Variants in UTRN observed in about 807,000 individuals in gnomAD.
UTRN encodes dystrophin-related protein 1.
A neutral mutation model predicts 463.9 loss-of-function variants in UTRN; 283 were observed. The observed-to-expected ratio is 0.61, with a 90% CI of 0.55 to 0.67. The LOEUF (loss-of-function observed/expected upper bound fraction) is 0.67. UTRN is among the 30% of genes least tolerant of loss of function. The pLI, the probability that UTRN is intolerant of heterozygous loss-of-function variation, is 0.00. For missense variants in UTRN, 3,922 were observed against 4,084.3 expected (o/e 0.96, Z 1.08); for synonymous variants, 1,442 against 1,431.5 (o/e 1.01, Z -0.17).
At chr6:144,692,953 T>C (rs2128693501) in intron 52 of UTRN, among the ~76,000 whole-genome samples, 2 of 152,198 alleles carry the variant, frequency 1.3e-5, no homozygotes, top group South Asian at 4.1e-4. Flanking sequence ...CATCATGAAA[T>C]TTTTGCCCAT....
At chr6:144,570,565 AC>A (rs535855009) in intron 50 of UTRN, among the ~76,000 whole-genome samples, 196 of 152,302 alleles carry the variant, frequency 1.3e-3, no homozygotes, top group Admixed American at 4.4e-3. Context: ...CTCTTACAAA[AC>A]AACTAAAATT....
intron 2 of UTRN, among the ~76,000 whole-genome samples, chr6:144,335,271 A>C (rs1776631866): frequency 6.6e-6 from 1 of 152,206 alleles, no homozygotes; most frequent in Non-Finnish European, 1.5e-5. Flanking sequence ...GTCCTGGAAT[A>C]AGAGAGCCCA....
Position 144,347,840 on chromosome 6 carries a change from TTTTTTTTTTG to T in UTRN, c.80-55273_80-55264del, listed in dbSNP as rs796757999. ...CCTGAACTGTGGCTTATTCTTTGTT[TTTTTTTTTTG>T]TTTTTTTTTTTGAGACTAAGTCTCG... On this transcript the variant is annotated intron_variant, in intron 2 of 74. Coordinates refer to ENST00000367545, the MANE Select transcript of UTRN (RefSeq NM_007124.3). 4.2e-3 allele frequency among the ~76,000 whole-genome samples: 614 copies of T among 146,578 alleles called. 16 individuals carry two copies. The highest frequency in any genetic ancestry group is 0.015 in the African/African-American group (555 of 36,350).
rs115618198 is a variant in UTRN at position 144,422,310 on chromosome 6, A to C, written c.234+340A>C. Among the ~76,000 whole-genome samples, 689 of 152,338 alleles carry C rather than the reference A, an allele frequency of 4.5e-3. 5 individuals carry two copies. Among genetic ancestry groups the C allele is most frequent in the African/African-American group, 0.016 (655 of 41,570 alleles). On this transcript the variant is annotated intron_variant, in intron 4 of 74. Coordinates refer to ENST00000367545, the MANE Select transcript of UTRN (RefSeq NM_007124.3). ...CTGGAGACAAACACATTTAAGAGTT[A>C]AATATTTTTTAAAACAGTTGTTAAG... is the stretch of plus-strand genomic sequence containing the variant.
intron 41 of UTRN, among the ~76,000 whole-genome samples, chr6:144,525,314 C>G (rs571839752): frequency 1.3e-5 from 2 of 152,170 alleles, no homozygotes; most frequent in South Asian, 4.2e-4. Flanking sequence ...CCATCGGGTC[C>G]TGGGCTTTTT....
chr6:144,668,069 T>A (rs1280118808), intron 51 of UTRN, among the ~76,000 whole-genome samples: 1 of 152,224 alleles, frequency 6.6e-6, no homozygotes, highest in Non-Finnish European at 1.5e-5. Flanking sequence ...GGACCATAAA[T>A]CTTGCAGGAG....
intron 51 of UTRN, among the ~76,000 whole-genome samples, chr6:144,599,701 A>G (rs1460491111): frequency 6.6e-6 from 1 of 152,226 alleles, no homozygotes; most frequent in Non-Finnish European, 1.5e-5. Context: ...AAAGGAAGGA[A>G]GAAGAAAATA....
intron 51 of UTRN, among the ~76,000 whole-genome samples, chr6:144,644,980 G>C (rs2128663637): frequency 6.6e-6 from 1 of 152,294 alleles, no homozygotes; most frequent in East Asian, 1.9e-4. Context: ...CCTGGAACCA[G>C]TGGTCTTTGT....
intron 50 of UTRN, among the ~76,000 whole-genome samples, chr6:144,569,251 T>C (rs1800711751): frequency 6.6e-6 from 1 of 152,088 alleles, no homozygotes; most frequent in Non-Finnish European, 1.5e-5. Context: ...GATTTTAAAC[T>C]TAAACACATA....
chr6:144,781,796 AG>A (rs1775852441), intron 60 of UTRN, 125 bp from the exon 61 acceptor site: 1 of 635,952 alleles, frequency 1.6e-6, no homozygotes, highest in Non-Finnish European at 2.6e-6. Context: ...TTAGCTAAAA[AG>A]GATAGATTCT....
chr6:144,598,059 C>G (rs1195826981), intron 51 of UTRN, among the ~76,000 whole-genome samples: 1 of 152,098 alleles, frequency 6.6e-6, no homozygotes, highest in Non-Finnish European at 1.5e-5. Context: ...TTCTGGCTTC[C>G]AAGGATGAAT....
intron 69 of UTRN, among the ~76,000 whole-genome samples, chr6:144,834,268 TTTATTTAAATATATATATAC>T (rs1164013456): frequency 1.3e-5 from 2 of 152,204 alleles, no homozygotes; most frequent in African/African-American, 4.8e-5. Flanking sequence ...GTATATGACC[TTTATTTAAATATATATATAC>T]TCACATACAC....
chr6:144,656,631 T>G (rs1271582127), intron 51 of UTRN, among the ~76,000 whole-genome samples: 1 of 152,202 alleles, frequency 6.6e-6, no homozygotes, highest in African/African-American at 2.4e-5. Context: ...TGATGAAATG[T>G]GCTCACTTTT....
chr6:144,305,790 C>G (rs1402926688), intron 2 of UTRN, among the ~76,000 whole-genome samples: 1 of 152,192 alleles, frequency 6.6e-6, no homozygotes, highest in African/African-American at 2.4e-5. Flanking sequence ...AGGTGAAAAT[C>G]TGGGCAAGGT....
intron 45 of UTRN, among the ~76,000 whole-genome samples, 183 bp from the exon 46 acceptor site, chr6:144,542,612 A>G (rs1231450116): frequency 2.0e-5 from 3 of 152,174 alleles, no homozygotes; most frequent in African/African-American, 7.2e-5. Flanking sequence ...TTTGATAGCA[A>G]TGTCAGTGGA....
At chr6:144,574,842 A>G (rs1281675711) in intron 50 of UTRN, among the ~76,000 whole-genome samples, 1 of 152,172 alleles carries the variant, frequency 6.6e-6, no homozygotes, top group East Asian at 1.9e-4. Flanking sequence ...TTGGCCTCCC[A>G]AAGTGCTGAG....
At chr6:144,342,221 C>A (rs1485691027) in intron 2 of UTRN, among the ~76,000 whole-genome samples, 1 of 151,928 alleles carries the variant, frequency 6.6e-6, no homozygotes, top group Non-Finnish European at 1.5e-5. Flanking sequence ...AATGGGTATC[C>A]ACATACACTG....
At chr6:144,297,261 A>G (rs930333119) in intron 2 of UTRN, among the ~76,000 whole-genome samples, 1 of 152,018 alleles carries the variant, frequency 6.6e-6, no homozygotes, top group African/African-American at 2.4e-5. Flanking sequence ...AAGAGAGACC[A>G]GTGAAATAAA....
In UTRN at chr6:144,493,298, A is replaced by C. The variant is rs1201456420; in HGVS notation, c.4438-3A>C. The C allele has an allele frequency of 1.2e-6, 2 of 1,613,468 alleles. No homozygotes were observed. Among genetic ancestry groups the C allele is most frequent in the African/African-American group, 2.7e-5 (2 of 74,988 alleles). On this transcript the variant is annotated splice_polypyrimidine_tract_variant and splice_region_variant and intron_variant, in intron 32 of 74. Transcript: ENST00000367545. Reference sequence around the variant, plus strand: ...TTTGTCTTTTTCTTTGTTTGTTTTAAAGAAACTGTATAAAACTTTGAGTGA... The same window carrying C: ...TTTGTCTTTTTCTTTGTTTGTTTTACAGAAACTGTATAAAACTTTGAGTGA...
Sources: gnomAD v4.1 joint callset for allele counts (sites outside exome capture counted in the v4.1 genomes callset) on GRCh38, gnomAD v4.1.1 for gene constraint, MANE v1.5 for transcripts, NCBI Gene and HGNC (gene_info 2026-07-23, HGNC 2026-07-21) for gene names.